The following SCAPER variants were observed in gnomAD, a reference collection of about 807,000 sequenced individuals.
SCAPER encodes S-phase cyclin A associated protein in the ER.
SCAPER carries 98 observed loss-of-function variants against 182.2 expected under a neutral mutation model. The observed-to-expected ratio is 0.54, with a 90% CI of 0.46 to 0.64. SCAPER has a LOEUF of 0.64. SCAPER is among the 30% of genes least tolerant of loss of function. The probability of loss-of-function intolerance (pLI) is 0.00; values close to 1 mark genes in which losing one functional copy is unlikely to be tolerated. For synonymous variants in SCAPER, 605 were observed against 564.6 expected, an observed-to-expected ratio of 1.07 and a Z score of -1.01; for missense variants, 1,432 against 1,690.0, an observed-to-expected ratio of 0.85 and a Z score of 2.68.
chr15:76,439,216 G>A lies in SCAPER; in HGVS notation c.3079-4906C>T, dbSNP rs532913666. Among the ~76,000 whole-genome samples, 102 of 152,136 alleles carry A rather than the reference G, an allele frequency of 6.7e-4. No individual in the cohort carries two copies. In the Middle Eastern group the frequency reaches 0.014, roughly 20 times the overall value. On this transcript the variant is annotated intron_variant, in intron 25 of 31. Transcript: ENST00000563290. Reference sequence around the variant, plus strand: ...TTCTCATGCTTCACCTTCCCAAGAAGCTGGCATTACAGGTGTGTGCCATCA... The same window carrying A: ...TTCTCATGCTTCACCTTCCCAAGAAACTGGCATTACAGGTGTGTGCCATCA...
At chr15:76,539,760 T>C (rs967232322) in intron 23 of SCAPER, among the ~76,000 whole-genome samples, 1 of 152,124 alleles carries the variant, frequency 6.6e-6, no homozygotes, top group African/African-American at 2.4e-5. Flanking sequence ...TTAGCCAGGA[T>C]GGTCTCGATC....
At chr15:76,587,145 G>T (rs773147112) in intron 22 of SCAPER, among the ~76,000 whole-genome samples, 101 of 152,092 alleles carry the variant, frequency 6.6e-4, no homozygotes, top group Non-Finnish European at 5.0e-4. Context: ...TGTGGTGTCA[G>T]TTGTAATATC....
chr15:76,497,742 C>T (rs1030829567), intron 24 of SCAPER, among the ~76,000 whole-genome samples: 1 of 151,886 alleles, frequency 6.6e-6, no homozygotes, highest in Non-Finnish European at 1.5e-5. Context: ...CCTGTAATCC[C>T]AGCACTTTGG....
chr15:76,682,639 A>T (rs2057795047), intron 20 of SCAPER, among the ~76,000 whole-genome samples: 1 of 152,204 alleles, frequency 6.6e-6, no homozygotes, highest in African/African-American at 2.4e-5. Context: ...AAAGCACTTT[A>T]GCTGGTACCA....
At chr15:76,537,618 G>T (rs913555947) in intron 23 of SCAPER, among the ~76,000 whole-genome samples, 1 of 152,004 alleles carries the variant, frequency 6.6e-6, no homozygotes, top group Non-Finnish European at 1.5e-5. Context: ...AAAAACCCTA[G>T]AAGAAAACCT....
intron 22 of SCAPER, among the ~76,000 whole-genome samples, chr15:76,582,553 C>G (rs965439821): frequency 6.6e-6 from 1 of 152,144 alleles, no homozygotes; most frequent in African/African-American, 2.4e-5. Flanking sequence ...TATCAAAATA[C>G]TAACGAAATA....
At chr15:76,750,435 G>A (rs1392971288) in intron 15 of SCAPER, among the ~76,000 whole-genome samples, 1 of 151,646 alleles carries the variant, frequency 6.6e-6, no homozygotes, top group Non-Finnish European at 1.5e-5. Flanking sequence ...TCATTCTATC[G>A]GGCCAGCATT....
At chr15:76,724,992 A>G (rs2060494978) in intron 17 of SCAPER, among the ~76,000 whole-genome samples, 1 of 151,982 alleles carries the variant, frequency 6.6e-6, no homozygotes. Context: ...TCAGTTGGAA[A>G]TGCAGAAATC....
At chr15:76,479,496 G>A (rs2050928617) in intron 24 of SCAPER, among the ~76,000 whole-genome samples, 1 of 152,144 alleles carries the variant, frequency 6.6e-6, no homozygotes, top group African/African-American at 2.4e-5. Context: ...TCATGAATAT[G>A]TGAGTGAATT....
rs8029737 is a variant in SCAPER, at chr15:76,662,963, A to G, written c.2645+2690T>C. 5.3e-3 allele frequency among the ~76,000 whole-genome samples: 810 copies of G among 152,276 alleles called. 7 individuals are homozygous for G. Among genetic ancestry groups the G allele is most frequent in the African/African-American group, 0.019 (781 of 41,576 alleles). ...TAAAAGAAAAATACTGATAAAGCAT[A>G]TATCATTAAAATAAAAAAAATTTGC... is the stretch of plus-strand genomic sequence containing the variant. On this transcript the variant is annotated intron_variant, in intron 21 of 31. Transcript: ENST00000563290.
chr15:76,608,991 C>T (rs1383476549), intron 22 of SCAPER, among the ~76,000 whole-genome samples: 1 of 152,194 alleles, frequency 6.6e-6, no homozygotes, highest in Non-Finnish European at 1.5e-5. Flanking sequence ...CGATGCCTCG[C>T]CCTGCTTCGG....
intron 22 of SCAPER, among the ~76,000 whole-genome samples, chr15:76,616,545 A>C (rs949400126): frequency 1.3e-5 from 2 of 152,198 alleles, no homozygotes; most frequent in Non-Finnish European, 2.9e-5. Flanking sequence ...GAGATGGATG[A>C]TGTAATAGCT....
At chr15:76,620,266 AATT>A (rs1018459040) in intron 22 of SCAPER, among the ~76,000 whole-genome samples, 2 of 152,146 alleles carry the variant, frequency 1.3e-5, no homozygotes, top group African/African-American at 4.8e-5. Context: ...AACCTCATAG[AATT>A]ATTGTCAGGA....
chr15:76,694,988 T>C, intron 20 of SCAPER, among the ~76,000 whole-genome samples: 1 of 152,042 alleles, frequency 6.6e-6, no homozygotes, highest in East Asian at 1.9e-4. Flanking sequence ...TTAATAACGA[T>C]TTATTATTTT....
At chr15:76,472,554 C>T (rs1031010814) in intron 24 of SCAPER, among the ~76,000 whole-genome samples, 10 of 152,082 alleles carry the variant, frequency 6.6e-5, no homozygotes, top group Non-Finnish European at 1.2e-4. Context: ...TTAGTAGAGA[C>T]GGGGTTTCAA....
Position 76,744,957 on chromosome 15 carries a change from G to A in SCAPER, c.1866+8851C>T, listed in dbSNP as rs144818484. Among the ~76,000 whole-genome samples the A allele has an allele frequency of 6.2e-4, 95 of 152,146 alleles. 1 individual carries two copies. Among genetic ancestry groups the A allele is most frequent in the Non-Finnish European group, 1.2e-4 (8 of 67,984 alleles). Reference sequence around the variant, plus strand: ...GTACATATACAACATGGAATACTACGCAACCAAAAGAAGAATGAAATTGTA... The same window carrying A: ...GTACATATACAACATGGAATACTACACAACCAAAAGAAGAATGAAATTGTA... On this transcript the variant is annotated intron_variant, in intron 15 of 31. Coordinates refer to ENST00000563290, the MANE Select transcript of SCAPER (RefSeq NM_020843.4).
At chr15:76,661,107 T>C (rs576070581) in intron 21 of SCAPER, among the ~76,000 whole-genome samples, 1 of 152,286 alleles carries the variant, frequency 6.6e-6, no homozygotes, top group South Asian at 2.1e-4. Flanking sequence ...ATGTCAGTTA[T>C]TGCCAAGCTG....
chr15:76,899,078 A>G (rs956480922), intron 1 of SCAPER, among the ~76,000 whole-genome samples: 11 of 152,258 alleles, frequency 7.2e-5, no homozygotes, highest in Non-Finnish European at 1.5e-4. Flanking sequence ...ATAAAATGAC[A>G]TTTACTCAAA....
chr15:76,701,687 A>T, intron 20 of SCAPER, 71 bp downstream of exon 20: 1 of 1,176,150 alleles, frequency 8.5e-7, no homozygotes. Flanking sequence ...CAAACACGGA[A>T]TTCTTTATAA....
Sources: gnomAD v4.1 joint callset for allele counts (sites outside exome capture counted in the v4.1 genomes callset) on GRCh38, gnomAD v4.1.1 for gene constraint, MANE v1.5 for transcripts, NCBI Gene and HGNC (gene_info 2026-07-23, HGNC 2026-07-21) for gene names.